The following CLEC2D variants were observed in gnomAD, a reference collection of about 807,000 sequenced individuals.
CLEC2D encodes C-type lectin domain family 2 member D, also known as C-type lectin related f.
A neutral mutation model predicts 20.0 loss-of-function variants in CLEC2D; 16 were observed. The observed-to-expected ratio is 0.80, with a 90% CI of 0.54 to 1.22. The LOEUF is 1.22. Among genes scored for constraint, CLEC2D ranks in the 50% most tolerant of loss-of-function variants. The pLI, the probability that CLEC2D is intolerant of heterozygous loss-of-function variation, is 0.00. For missense variants in CLEC2D, 207 were observed against 221.5 expected, an observed-to-expected ratio of 0.93 and a Z score of 0.42; for synonymous variants, 77 against 71.1, an observed-to-expected ratio of 1.08 and a Z score of -0.42.
intron 1 of CLEC2D, 143 bp from the exon 2 acceptor site, chr12:9,680,780 T>G: frequency 3.9e-6 from 2 of 508,364 alleles, no homozygotes; most frequent in Non-Finnish European, 7.0e-6. Flanking sequence ...GATAGAATAG[T>G]AAGTTCATAA....
intron 3 of CLEC2D, among the ~76,000 whole-genome samples, chr12:9,690,860 A>G (rs1029905005): frequency 9.2e-5 from 14 of 152,114 alleles, no homozygotes; most frequent in Middle Eastern, 3.2e-3. Flanking sequence ...TATAAGATAT[A>G]GAGAAAACAA....
At chr12:9,694,227 A>G (rs1865930420) in intron 4 of CLEC2D, among the ~76,000 whole-genome samples, 1 of 152,186 alleles carries the variant, frequency 6.6e-6, no homozygotes. Context: ...AGTTTCAACA[A>G]TTAGCAAATT....
intron 3 of CLEC2D, 21 bp downstream of exon 3, chr12:9,688,107 AG>A: frequency 6.4e-7 from 1 of 1,550,672 alleles, no homozygotes; most frequent in Non-Finnish European, 8.7e-7. Context: ...AGTTCTGGCC[AG>A]AATCAAAGAT....
chr12:9,688,102 T>A lies in CLEC2D; in HGVS notation c.357+16T>A, dbSNP rs1402072940. ...CCAGGAACTGGTAAGAAAATAGTTC[T>A]GGCCAGAATCAAAGATTCAGCCCTA... On this transcript the variant is annotated intron_variant, in intron 3 of 4. Transcript: ENST00000290855. 1 of 1,555,140 alleles carries A rather than the reference T, an allele frequency of 6.4e-7. No homozygotes were observed. The highest frequency in any genetic ancestry group is 8.7e-7 in the Non-Finnish European group (1 of 1,149,592).
At chr12:9,693,852 C>T (rs889340039) in intron 4 of CLEC2D, 1 of 437,996 alleles carries the variant, frequency 2.3e-6, no homozygotes, top group Non-Finnish European at 4.6e-6. Flanking sequence ...GTTACCCAGG[C>T]TGGAGTGCAG....
At chr12:9,673,818 C>T (rs1034617319) in intron 1 of CLEC2D, among the ~76,000 whole-genome samples, 3 of 152,182 alleles carry the variant, frequency 2.0e-5, no homozygotes, top group Non-Finnish European at 2.9e-5. Flanking sequence ...GGCAGTCTGG[C>T]CACAACCTGC....
In CLEC2D at chr12:9,692,828, A is replaced by G; in HGVS notation, c.358A>G (p.Asn120Asp). 1 of 1,602,468 alleles carries G rather than the reference A, an allele frequency of 6.2e-7. No individual in the cohort carries two copies. The highest frequency in any genetic ancestry group is 1.1e-5 in the South Asian group (1 of 89,076). The change falls in exon 4 of 5, where the codon AAT becomes GAT. Residue 120 changes from asparagine to aspartate, a missense_variant and splice_region_variant. Asn to Asp is a conservative substitution (Grantham distance 23). Transcript: ENST00000290855. ...ATATCATCTCTGTGTTTTCTGAAAG[A>G]ATTTCCTGTTGAGATATAAAGGCCC... ...LAQVESFQELNFLLRYKGPSD... is the reference protein window; with the variant it reads ...LAQVESFQELDFLLRYKGPSD...
rs1161602410 is a variant in CLEC2D at position 9,688,217 on chromosome 12, A to G, written c.357+131A>G. ...TTTTTTTTTTTTTTTTTTTTTTTGC[A>G]TAACGAAAGAGTAACCTAGCATGTA... On this transcript the variant is annotated intron_variant, in intron 3 of 4. Coordinates refer to ENST00000290855, the MANE Select transcript of CLEC2D (RefSeq NM_013269.6). 9.3e-6 allele frequency: 8 copies of G among 862,102 alleles called. No individual in the cohort carries two copies. The Admixed American group carries it at 1.7e-4, about 18-fold the overall frequency. 53.4% of individuals were successfully genotyped at this position (862,102 alleles called of 1,614,324 possible). A position where few individuals can be genotyped will look rare whatever the true frequency, so the allele number is the denominator to read the frequency against.
At chr12:9,694,690 T>G (rs1775185813) in intron 4 of CLEC2D, 70 bp from the exon 5 acceptor site, 1 of 850,140 alleles carries the variant, frequency 1.2e-6, no homozygotes, top group Non-Finnish European at 2.0e-6. Context: ...TTTCTCATTT[T>G]CTCATCTTCA....
chr12:9,674,855 T>C (rs1361147822), intron 1 of CLEC2D, among the ~76,000 whole-genome samples: 1 of 152,206 alleles, frequency 6.6e-6, no homozygotes, highest in African/African-American at 2.4e-5. Flanking sequence ...GGATTGTGCC[T>C]TTGGTATTAT....
At position 9,698,043 on chromosome 12, in the gene CLEC2D, A is replaced by T. The variant is rs1192794288; in HGVS notation, c.*3169A>T. ...ATACAATAAAAAAGCACATTGGGAG[A>T]TACATGATAAATTTCTATCTGCAGT... is the stretch of plus-strand genomic sequence containing the variant. On this transcript the variant is annotated 3_prime_UTR_variant, in exon 5 of 5. Transcript: ENST00000290855. 4.6e-5 allele frequency: 7 copies of T among 152,190 alleles called. No individual in the cohort carries two copies. The allele number at this position is 152,190 out of a possible 1,614,324, so 9.4% of individuals were successfully genotyped here.
chr12:9,679,946 A>G (rs1433570860), intron 1 of CLEC2D, among the ~76,000 whole-genome samples: 2 of 152,192 alleles, frequency 1.3e-5, no homozygotes, highest in South Asian at 2.1e-4. Context: ...TATACAATAC[A>G]AATATGTAGC....
intron 1 of CLEC2D, among the ~76,000 whole-genome samples, chr12:9,678,371 A>T (rs529646394): frequency 1.2e-4 from 19 of 152,136 alleles, no homozygotes; most frequent in Non-Finnish European, 2.8e-4. Context: ...GTGTCTTTAT[A>T]TTTAAAGTGC....
chr12:9,685,990 T>A (rs1865739467), intron 2 of CLEC2D, among the ~76,000 whole-genome samples: 1 of 152,088 alleles, frequency 6.6e-6, no homozygotes, highest in East Asian at 1.9e-4. Context: ...GTGTTGGCAC[T>A]CCAGAGAATC....
intron 3 of CLEC2D, among the ~76,000 whole-genome samples, chr12:9,689,995 T>C (rs1042009272): frequency 6.6e-6 from 1 of 151,960 alleles, no homozygotes; most frequent in Non-Finnish European, 1.5e-5. Flanking sequence ...AATACATAAA[T>C]ATATACATCC....
chr12:9,683,364 C>T, intron 2 of CLEC2D, among the ~76,000 whole-genome samples: 1 of 93,338 alleles, frequency 1.1e-5, no homozygotes, highest in African/African-American at 4.5e-5. Context: ...TGTGCAGAAG[C>T]TCTTTAGTTA....
At chr12:9,683,800 G>A (rs762444263) in intron 2 of CLEC2D, among the ~76,000 whole-genome samples, 1 of 151,928 alleles carries the variant, frequency 6.6e-6, no homozygotes, top group South Asian at 2.1e-4. Flanking sequence ...TTGAAGTCAG[G>A]TAGCATGATG....
Position 9,696,044 on chromosome 12 carries a change from A to G in CLEC2D, c.*1170A>G. 1 of 1,317,468 alleles carries G rather than the reference A, an allele frequency of 7.6e-7. No homozygotes were observed. The highest frequency in any genetic ancestry group is 1.1e-6 in the Non-Finnish European group (1 of 924,580). 81.6% of individuals were successfully genotyped at this position (1,317,468 alleles called of 1,614,324 possible). A position where few individuals can be genotyped will look rare whatever the true frequency, so the allele number is the denominator to read the frequency against. On this transcript the variant is annotated 3_prime_UTR_variant, in exon 5 of 5. Transcript: ENST00000290855. The stretch of plus-strand genomic sequence containing the variant: ...CAAGAATCCTTCAAAAAACAGGAAA[A>G]ATCTCCTAAAACACCAAAAGGATCT...
chr12:9,674,958 C>T (rs1018884446), intron 1 of CLEC2D, among the ~76,000 whole-genome samples: 1 of 152,002 alleles, frequency 6.6e-6, no homozygotes, highest in African/African-American at 2.4e-5. Flanking sequence ...ACCTTTAGGA[C>T]TATGATACAT....
Sources: allele counts gnomAD v4.1 joint callset (sites outside exome capture counted in the v4.1 genomes callset), GRCh38; gene constraint gnomAD v4.1.1; transcripts MANE v1.5; gene names NCBI Gene and HGNC (gene_info 2026-07-23, HGNC 2026-07-21).